The following MACROD2 variants were observed in gnomAD, a reference collection of about 807,000 sequenced individuals.
MACROD2 encodes mono-ADP ribosylhydrolase 2.
Under a neutral mutation model 70.4 loss-of-function variants are expected in MACROD2, and 36 were observed. That is an observed-to-expected ratio of 0.51 (90% CI 0.39 to 0.68). The LOEUF is 0.68. Ranked by LOEUF, MACROD2 falls within the 30% of genes least tolerant of loss-of-function variation. MACROD2 has a pLI of 0.00. For synonymous variants in MACROD2, 172 were observed against 178.8 expected (o/e 0.96, Z 0.30); for missense variants, 496 against 538.4 (o/e 0.92, Z 0.78).
chr20:14,277,124 A>G (rs1402995929), intron 3 of MACROD2, among the ~76,000 whole-genome samples: 1 of 152,038 alleles, frequency 6.6e-6, no homozygotes, highest in Non-Finnish European at 1.5e-5. Flanking sequence ...TGACATGGTG[A>G]AACTGTGTCT....
intron 3 of MACROD2, among the ~76,000 whole-genome samples, chr20:14,248,422 A>G (rs947416993): frequency 2.6e-5 from 4 of 152,266 alleles, no homozygotes; most frequent in South Asian, 2.1e-4. Flanking sequence ...TGTCTCTACT[A>G]AAAATACAAA....
chr20:15,346,404 A>G (rs2078166656), intron 6 of MACROD2, among the ~76,000 whole-genome samples: 1 of 152,168 alleles, frequency 6.6e-6, no homozygotes, highest in South Asian at 2.1e-4. Context: ...ACTAGAACTG[A>G]GGGATCAGGA....
chr20:14,914,568 A>C (rs1047836563), intron 5 of MACROD2, among the ~76,000 whole-genome samples: 1 of 152,188 alleles, frequency 6.6e-6, no homozygotes, highest in African/African-American at 2.4e-5. Flanking sequence ...TGATTCTCCT[A>C]AGAAACCATA....
intron 6 of MACROD2, among the ~76,000 whole-genome samples, chr20:15,340,248 C>T (rs2078096547): frequency 6.9e-6 from 1 of 144,318 alleles, no homozygotes; most frequent in Admixed American, 7.2e-5. Flanking sequence ...AAGCAATTCT[C>T]TGCCTCAGCC....
chr20:14,455,375 T>C (rs181030197), intron 3 of MACROD2, among the ~76,000 whole-genome samples: 7 of 152,006 alleles, frequency 4.6e-5, no homozygotes, highest in Admixed American at 4.6e-4. Flanking sequence ...CAGGAGATCC[T>C]GAAACCTACT....
At chr20:14,077,333 G>A (rs149272737) in intron 2 of MACROD2, among the ~76,000 whole-genome samples, 2,314 of 152,216 alleles carry the variant, frequency 0.015, 31 homozygotes, top group South Asian at 0.038. Context: ...ATGTTCTTCT[G>A]AAAGATTACA....
rs1339872738 is a variant in MACROD2 at position 15,862,814 on chromosome 20, T to A, written c.715T>A (p.Phe239Ile). ...FKIYKKKMNE[F>I]FSVDDNNEEE... ...AATCTACAAAAAGAAAATGAATGAG[T>A]TTTTCTCCGTAGGTGAGTAAAGCAA... Residue 239 changes from phenylalanine to isoleucine, a missense_variant, in exon 9 of 18, where the codon TTT becomes ATT. Physicochemically the swap from Phe to Ile is conservative, Grantham distance 21. Transcript: ENST00000684519. 6.2e-7 allele frequency: 1 copy of A among 1,610,504 alleles called. No individual in the cohort carries two copies. The highest frequency in any genetic ancestry group is 1.7e-5 in the Admixed American group (1 of 59,450).
rs112811466 is a variant in MACROD2 at position 14,448,683 on chromosome 20, A to G, written c.272-44796A>G. Among the ~76,000 whole-genome samples, 281 of 152,018 alleles carry G rather than the reference A, an allele frequency of 1.8e-3. 1 individual carries two copies. The highest frequency in any genetic ancestry group is 6.4e-3 in the African/African-American group (265 of 41,382). ...ACTCCCTCTCAGAAAAAAAAAAGAA[A>G]GAAAGAAAGAAAGAAAGGCGGTGAG... On this transcript the variant is annotated intron_variant, in intron 3 of 17. Coordinates refer to ENST00000684519, the MANE Select transcript of MACROD2 (RefSeq NM_001351661.2).
chr20:15,334,573 G>A (rs1341300678), intron 6 of MACROD2, among the ~76,000 whole-genome samples: 2 of 146,290 alleles, frequency 1.4e-5, no homozygotes, highest in African/African-American at 5.0e-5. Context: ...ATCAAGTGGG[G>A]GAAAAATGAT....
At position 14,556,480 on chromosome 20, in the gene MACROD2, AAAGTCTT is replaced by A. The variant is rs58920738; in HGVS notation, c.301+62973_301+62979del. 5.4e-3 allele frequency among the ~76,000 whole-genome samples: 821 copies of A among 152,164 alleles called. 17 individuals are homozygous for A. The highest frequency in any genetic ancestry group is 0.019 in the African/African-American group (775 of 41,542). On this transcript the variant is annotated intron_variant, in intron 4 of 17. Transcript: ENST00000684519. ...AAAGTACAGATAAAGAAGCTCCAAG[AAAGTCTT>A]GTTTTCTTTAGGCAAAGGACCAGGT...
intron 3 of MACROD2, among the ~76,000 whole-genome samples, chr20:14,153,145 C>G (rs1045830115): frequency 1.3e-5 from 2 of 152,028 alleles, no homozygotes; most frequent in Non-Finnish European, 2.9e-5. Context: ...TTCTTGGTGC[C>G]AGCATAGTGT....
intron 5 of MACROD2, among the ~76,000 whole-genome samples, chr20:14,941,956 T>A (rs531404677): frequency 6.6e-6 from 1 of 151,672 alleles, no homozygotes; most frequent in African/African-American, 2.4e-5. Context: ...GCTATTTTTT[T>A]TTTTTTTCTT....
chr20:14,862,406 TAA>T (rs1224057391), intron 5 of MACROD2, among the ~76,000 whole-genome samples: 2 of 14,078 alleles, frequency 1.4e-4, no homozygotes, highest in African/African-American at 5.5e-4. Flanking sequence ...TATATATATA[TAA>T]ATATATATAA....
chr20:15,738,163 C>T (rs1400824089), intron 8 of MACROD2, among the ~76,000 whole-genome samples: 1 of 152,038 alleles, frequency 6.6e-6, no homozygotes, highest in Non-Finnish European at 1.5e-5. Flanking sequence ...TCAATAATAA[C>T]TGTACATTTT....
intron 5 of MACROD2, among the ~76,000 whole-genome samples, chr20:14,749,310 C>T (rs1212729831): frequency 6.6e-6 from 1 of 152,024 alleles, no homozygotes; most frequent in Admixed American, 6.6e-5. Context: ...CTGGGCTGCA[C>T]TCACACTTTC....
chr20:14,757,891 T>C lies in MACROD2; in HGVS notation c.418+72932T>C. 4 of 1,364,290 alleles carry C rather than the reference T, an allele frequency of 2.9e-6. No individual in the cohort carries two copies. The South Asian group carries it at 3.5e-5, about 12-fold the overall frequency. The allele number at this position is 1,364,290 out of a possible 1,614,324, so 84.5% of individuals were successfully genotyped here. Reference sequence around the variant, plus strand: ...GGCCTCGGCCTAAAGGTCTGAAGGGTGAGTGACCTGCAAGACTCACAAGAG... The same window carrying C: ...GGCCTCGGCCTAAAGGTCTGAAGGGCGAGTGACCTGCAAGACTCACAAGAG... On this transcript the variant is annotated intron_variant, in intron 5 of 17. Coordinates refer to ENST00000684519, the MANE Select transcript of MACROD2 (RefSeq NM_001351661.2).
intron 5 of MACROD2, among the ~76,000 whole-genome samples, chr20:15,074,247 C>T (rs1043590852): frequency 6.6e-6 from 1 of 152,138 alleles, no homozygotes; most frequent in African/African-American, 2.4e-5. Flanking sequence ...CATCCTCAAC[C>T]TCTGGGGAGT....
chr20:14,579,826 T>C (rs1980888101), intron 4 of MACROD2, among the ~76,000 whole-genome samples: 1 of 152,124 alleles, frequency 6.6e-6, no homozygotes, highest in African/African-American at 2.4e-5. Context: ...AATAAAGTAG[T>C]TGTATTGTTG....
intron 5 of MACROD2, among the ~76,000 whole-genome samples, chr20:14,945,178 C>T (rs1367599059): frequency 6.6e-6 from 1 of 151,326 alleles, no homozygotes; most frequent in Admixed American, 6.6e-5. Context: ...GTGCAGTGGG[C>T]CTGATCTTGG....
Sources: allele counts gnomAD v4.1 joint callset (sites outside exome capture counted in the v4.1 genomes callset), GRCh38; gene constraint gnomAD v4.1.1; transcripts MANE v1.5; gene names NCBI Gene and HGNC (gene_info 2026-07-23, HGNC 2026-07-21).